The following TATDN2 variants were observed in gnomAD, a reference collection of about 807,000 sequenced individuals.
TATDN2 encodes 3'-5' RNA nuclease TATDN2.
In TATDN2, 44 loss-of-function variants were observed where a neutral mutation model predicts 60.3. The observed-to-expected ratio is 0.73, with a 90% CI of 0.57 to 0.94. The LOEUF (loss-of-function observed/expected upper bound fraction) is 0.94, where lower values mean the gene tolerates loss of function less well. TATDN2 is among the 40% of genes least tolerant of loss of function. The pLI is 0.00. For synonymous variants in TATDN2, 399 were observed against 355.8 expected (o/e 1.12, Z -1.37); for missense variants, 997 against 948.0 (o/e 1.05, Z -0.68).
rs1227314664 is a variant in TATDN2 at position 10,260,628 on chromosome 3, A to G, written c.906A>G (p.Leu302=). The change falls in exon 3 of 8, where the codon CTA becomes CTG. Residue 302 remains leucine (L), a synonymous_variant. Transcript: ENST00000448281. The part of the protein sequence containing the change: ...RTVIDKCSPP[L]EFLDDSDSHL... ...TCATTGACAAATGCTCTCCACCCCT[A>G]GAGTTCTTGGATGACTCTGACTCTC... The G allele has an allele frequency of 8.1e-6, 13 of 1,614,156 alleles. No individual in the cohort carries two copies. Among genetic ancestry groups the G allele is most frequent in the Non-Finnish European group, 1.1e-5 (13 of 1,180,018 alleles).
Position 10,278,321 on chromosome 3 carries a change from G to A in TATDN2, c.2004G>A (p.Leu668=). 6.2e-7 allele frequency: 1 copy of A among 1,614,180 alleles called. No individual in the cohort carries two copies. Reference sequence around the variant, plus strand: ...GCTACCCGGTCATTGAGCCCCTGCTGAAGTACTTTCCCAACATGTCTGTGG... The same window carrying A: ...GCTACCCGGTCATTGAGCCCCTGCTAAAGTACTTTCCCAACATGTCTGTGG... ...TGSYPVIEPL[L]KYFPNMSVGF... The change falls in exon 6 of 8, where the codon CTG becomes CTA. Residue 668 remains leucine, a synonymous_variant. Coordinates refer to ENST00000448281, the MANE Select transcript of TATDN2 (RefSeq NM_014760.4). This position sits in a 1 kb window ranked among gnomAD's most constrained non-coding sequence, Gnocchi z 4.7.
intron 3 of TATDN2, among the ~76,000 whole-genome samples, chr3:10,265,511 C>G (rs867451398): frequency 1.3e-5 from 2 of 151,254 alleles, no homozygotes; most frequent in Non-Finnish European, 3.0e-5. Context: ...GAAACCCCGT[C>G]TCTACTAAAA....
At position 10,278,657 on chromosome 3, in the gene TATDN2, C is replaced by T. The variant is rs13096132; in HGVS notation, c.2145+195C>T. The T allele has an allele frequency of 2.0e-6, 2 of 987,096 alleles. No homozygotes were observed. Among genetic ancestry groups the T allele is most frequent in the South Asian group, 2.7e-5 (2 of 73,930 alleles). The allele number at this position is 987,096 out of a possible 1,614,324, so 61.1% of individuals were successfully genotyped here. On this transcript the variant is annotated intron_variant, in intron 6 of 7. Transcript: ENST00000448281. The surrounding 1 kb of genome is among the most constrained non-coding windows in gnomAD (Gnocchi z 4.7). ...TGAGAAGCTGAAGGGTAACCACTCTCTTCCAGGCAGTGCAAAGCCCTACCC... is the reference window on the plus strand; with the variant it reads ...TGAGAAGCTGAAGGGTAACCACTCTTTTCCAGGCAGTGCAAAGCCCTACCC...
intron 2 of TATDN2, among the ~76,000 whole-genome samples, chr3:10,257,343 A>G (rs1698323360): frequency 6.8e-6 from 1 of 146,428 alleles, no homozygotes; most frequent in Non-Finnish European, 1.5e-5. Flanking sequence ...AGATACAAAG[A>G]AAACAGGCTG....
chr3:10,254,341 A>C (rs1369242302), intron 2 of TATDN2, among the ~76,000 whole-genome samples: 5 of 152,168 alleles, frequency 3.3e-5, no homozygotes, highest in Admixed American at 3.3e-4. Flanking sequence ...ATGGACAAGG[A>C]GGGGGACAGG....
chr3:10,268,501 A>G (rs894238070), intron 3 of TATDN2, among the ~76,000 whole-genome samples: 10 of 152,240 alleles, frequency 6.6e-5, no homozygotes, highest in Non-Finnish European at 1.3e-4. Flanking sequence ...GGCTGCTTTA[A>G]GAAGAAATGA....
At chr3:10,268,036 G>A (rs954357237) in intron 3 of TATDN2, among the ~76,000 whole-genome samples, 1 of 152,168 alleles carries the variant, frequency 6.6e-6, no homozygotes, top group Non-Finnish European at 1.5e-5. Context: ...GTTTTTAAAG[G>A]TTTTAGGGGA....
At chr3:10,276,777 CG>C (rs1357273799) in intron 5 of TATDN2, among the ~76,000 whole-genome samples, 1 of 152,090 alleles carries the variant, frequency 6.6e-6, no homozygotes, top group East Asian at 1.9e-4. Context: ...TAAGTAGAGA[CG>C]GGGTTTTGCC....
At position 10,270,994 on chromosome 3, in the gene TATDN2, G is replaced by C; in HGVS notation, c.1812G>C (p.Thr604=). ...MGLDYSYKCT[T]PVPEQHKVFE... The stretch of plus-strand genomic sequence containing the variant: ...TGGATTACTCTTACAAGTGCACCAC[G>C]CCTGTCCCAGAACAGCACAAGGTAA... Residue 604 remains threonine (T), a synonymous_variant, in exon 4 of 8, where the codon ACG becomes ACC. Coordinates refer to ENST00000448281, the MANE Select transcript of TATDN2 (RefSeq NM_014760.4). 2 of 1,596,986 alleles carry C rather than the reference G, an allele frequency of 1.3e-6. No individual in the cohort carries two copies. The highest frequency in any genetic ancestry group is 1.7e-5 in the Admixed American group (1 of 58,008).
intron 2 of TATDN2, among the ~76,000 whole-genome samples, chr3:10,259,477 G>A (rs1376722648): frequency 6.6e-6 from 1 of 152,210 alleles, no homozygotes; most frequent in Admixed American, 6.5e-5. Context: ...AGCTTTTTCT[G>A]TGTGGAGTCC....
rs747101023 is a variant in TATDN2 at position 10,270,588 on chromosome 3, T to C, written c.1406T>C (p.Met469Thr). ...VKEKRTFQEE[M>T]PPRPCGGHAS... ...GAGAAAAGAACATTCCAAGAGGAGA[T>C]GCCTCCGCGTCCTTGTGGAGGACAC... is the stretch of plus-strand genomic sequence containing the variant. Residue 469 changes from methionine to threonine, a missense_variant, in exon 4 of 8, where the codon ATG becomes ACG. Transcript: ENST00000448281. 6.2e-7 allele frequency: 1 copy of C among 1,614,248 alleles called. No individual in the cohort carries two copies.
chr3:10,273,281 G>T (rs755881135), intron 4 of TATDN2, among the ~76,000 whole-genome samples: 2 of 152,168 alleles, frequency 1.3e-5, no homozygotes, highest in Admixed American at 6.5e-5. Context: ...CCTAGGCTGG[G>T]TGGGGGATAT....
Position 10,278,948 on chromosome 3 carries a change from G to T in TATDN2, c.2209G>T (p.Ala737Ser), listed in dbSNP as rs1469402062. ...GGCCTTGCATACGGTCCGAGAGATT[G>T]CCAGAGTCAAAGATCAGCCACTCTC... is the stretch of plus-strand genomic sequence containing the variant. ...GLALHTVREIARVKDQPLSLT... is the reference protein window; with the variant it reads ...GLALHTVREISRVKDQPLSLT... The change falls in exon 7 of 8, where the codon GCC becomes TCC. Residue 737 changes from alanine to serine, a missense_variant. Ala to Ser is a moderately conservative substitution (Grantham distance 99, BLOSUM62 1). Coordinates refer to ENST00000448281, the MANE Select transcript of TATDN2 (RefSeq NM_014760.4). The surrounding 1 kb of genome is among the most constrained non-coding windows in gnomAD (Gnocchi z 4.7). The T allele has an allele frequency of 6.2e-6, 10 of 1,613,836 alleles. No individual in the cohort carries two copies. The highest frequency in any genetic ancestry group is 7.6e-6 in the Non-Finnish European group (9 of 1,179,950).
At position 10,280,830 on chromosome 3, in the gene TATDN2, A is replaced by C. The variant is rs922941408; in HGVS notation, c.*1648A>C. On this transcript the variant is annotated 3_prime_UTR_variant, in exon 8 of 8. Transcript: ENST00000448281. ...ACTTGGGGGACTGCCGAGCATATCA[A>C]AGTGTTTATAGTCACCAAGTGAACT... 2 of 153,820 alleles carry C rather than the reference A, an allele frequency of 1.3e-5. No homozygotes were observed. The highest frequency in any genetic ancestry group is 4.8e-5 in the African/African-American group (2 of 41,458). The allele number at this position is 153,820 out of a possible 1,614,324, so 9.5% of individuals were successfully genotyped here.
chr3:10,272,020 G>C (rs749484342), intron 4 of TATDN2, among the ~76,000 whole-genome samples: 2 of 152,170 alleles, frequency 1.3e-5, no homozygotes, highest in Non-Finnish European at 2.9e-5. Flanking sequence ...CTGAGCCACT[G>C]CGCCCGCCCC....
At chr3:10,277,056 G>A (rs1001609899) in intron 5 of TATDN2, among the ~76,000 whole-genome samples, 22 of 152,082 alleles carry the variant, frequency 1.4e-4, no homozygotes, top group Non-Finnish European at 2.9e-4. Context: ...CCATCCTGGG[G>A]ATGGGCAGAA....
chr3:10,276,901 T>C (rs1698646189), intron 5 of TATDN2, among the ~76,000 whole-genome samples: 1 of 152,150 alleles, frequency 6.6e-6, no homozygotes, highest in Admixed American at 6.5e-5. Context: ...CACTATCTTT[T>C]CTAAAGAATT....
At chr3:10,262,150 C>G (rs1392171289) in intron 3 of TATDN2, among the ~76,000 whole-genome samples, 1 of 152,128 alleles carries the variant, frequency 6.6e-6, no homozygotes, top group Non-Finnish European at 1.5e-5. Flanking sequence ...GAATCTGTTT[C>G]TTTTTTTTCT....
chr3:10,269,353 A>AG (rs1437018097), intron 3 of TATDN2, among the ~76,000 whole-genome samples: 21 of 152,324 alleles, frequency 1.4e-4, no homozygotes, highest in Middle Eastern at 3.4e-3. Context: ...GATTAAGGGG[A>AG]GGGGTCATAG....
Sources: gnomAD v4.1 joint callset for allele counts (sites outside exome capture counted in the v4.1 genomes callset) on GRCh38, gnomAD v4.1.1 for gene constraint, Gnocchi (gnomAD v3.1) non-coding constraint, MANE v1.5 for transcripts, NCBI Gene and HGNC (gene_info 2026-07-23, HGNC 2026-07-21) for gene names.